NEUROD4: variants seen among roughly 807,000 people sequenced by gnomAD.
NEUROD4 encodes the protein neurogenic differentiation factor 4.
NEUROD4 carries 16 observed loss-of-function variants against 19.8 expected under a neutral mutation model. That is an observed-to-expected ratio of 0.81 (90% CI 0.55 to 1.23). The LOEUF is 1.23. Ranked by LOEUF, NEUROD4 falls within the 50% of genes most tolerant of loss-of-function variation. The probability of loss-of-function intolerance (pLI) is 0.00; values close to 1 mark genes in which losing one functional copy is unlikely to be tolerated. For missense variants in NEUROD4, 439 were observed against 398.6 expected, an observed-to-expected ratio of 1.10 and a Z score of -0.86; for synonymous variants, 153 against 147.9, an observed-to-expected ratio of 1.03 and a Z score of -0.25.
In NEUROD4 at chr12:55,029,155, A is replaced by G. The variant is rs1162806591; in HGVS notation, c.*1720A>G. Reference sequence around the variant, plus strand: ...TGTATCTTGTCTGTTTACCTCTCTTATTTATTATCTCCATACAGTATAAGT... The same window carrying G: ...TGTATCTTGTCTGTTTACCTCTCTTGTTTATTATCTCCATACAGTATAAGT... On this transcript the variant is annotated 3_prime_UTR_variant, in exon 2 of 2. Transcript: ENST00000242994. The G allele has an allele frequency of 6.0e-6, 1 of 165,760 alleles. No homozygotes were observed. Among genetic ancestry groups the G allele is most frequent in the Non-Finnish European group, 1.5e-5 (1 of 67,984 alleles). The allele number at this position is 165,760 out of a possible 1,614,324, so 10.3% of individuals were successfully genotyped here.
At chr12:55,025,706 C>T (rs548206699) in intron 1 of NEUROD4, among the ~76,000 whole-genome samples, 1 of 152,280 alleles carries the variant, frequency 6.6e-6, no homozygotes, top group East Asian at 1.9e-4. Context: ...TTGATGGTCA[C>T]GTGTTGGACC....
At position 55,029,798 on chromosome 12, in the gene NEUROD4, G is replaced by A. The variant is rs928491206; in HGVS notation, c.*2363G>A. ...TGCCTTTGGGGAGTATGGTACCCAT[G>A]AGCCAAGCCTCCCTGAAATTGTACA... On this transcript the variant is annotated 3_prime_UTR_variant, in exon 2 of 2. Transcript: ENST00000242994. The A allele has an allele frequency of 4.2e-5, 7 of 167,140 alleles. No individual in the cohort carries two copies. Among genetic ancestry groups the A allele is most frequent in the African/African-American group, 1.7e-4 (7 of 41,568 alleles). 10.4% of individuals were successfully genotyped at this position (167,140 alleles called of 1,614,324 possible).
chr12:55,021,228 A>G (rs1952671829), intron 1 of NEUROD4, among the ~76,000 whole-genome samples: 1 of 152,198 alleles, frequency 6.6e-6, no homozygotes, highest in South Asian at 2.1e-4. Context: ...TAGAGTAGAA[A>G]AGAAGAGCAT....
intron 1 of NEUROD4, among the ~76,000 whole-genome samples, chr12:55,025,054 T>C (rs1020619799): frequency 4.6e-5 from 7 of 152,364 alleles, no homozygotes; most frequent in African/African-American, 1.7e-4. Flanking sequence ...AAGGTGATAG[T>C]GGGTTTAATA....
chr12:55,020,585 G>A (rs552582937), intron 1 of NEUROD4, among the ~76,000 whole-genome samples: 40 of 152,238 alleles, frequency 2.6e-4, no homozygotes, highest in Non-Finnish European at 4.4e-4. Flanking sequence ...GAATACAGAT[G>A]ATCTCCCCCA....
At chr12:55,023,203 C>G (rs1019429633) in intron 1 of NEUROD4, among the ~76,000 whole-genome samples, 9 of 152,062 alleles carry the variant, frequency 5.9e-5, no homozygotes, top group Non-Finnish European at 8.8e-5. Flanking sequence ...TCTGTGCTAT[C>G]TATCCCACCA....
At position 55,028,187 on chromosome 12, in the gene NEUROD4, A is replaced by G. The variant is rs1335640512; in HGVS notation, c.*752A>G. 1.8e-5 allele frequency: 3 copies of G among 165,614 alleles called. No individual in the cohort carries two copies. The highest frequency in any genetic ancestry group is 2.9e-5 in the Non-Finnish European group (2 of 68,120). 10.3% of individuals were successfully genotyped at this position (165,614 alleles called of 1,614,324 possible). A position where few individuals can be genotyped will look rare whatever the true frequency, so the allele number is the denominator to read the frequency against. On this transcript the variant is annotated 3_prime_UTR_variant, in exon 2 of 2. Coordinates refer to ENST00000242994, the MANE Select transcript of NEUROD4 (RefSeq NM_021191.3). ...ATGATTTGAAGAACCATAATAGAGAACCATAATAGAGGCCTCATGCCAACT... is the reference window on the plus strand; with the variant it reads ...ATGATTTGAAGAACCATAATAGAGAGCCATAATAGAGGCCTCATGCCAACT...
At position 55,020,079 on chromosome 12, in the gene NEUROD4, A is replaced by G. The variant is rs867125415; in HGVS notation, c.-244A>G. 3.3e-5 allele frequency: 5 copies of G among 152,306 alleles called. No individual in the cohort carries two copies. The highest frequency in any genetic ancestry group is 3.1e-3 in the Middle Eastern group (1 of 320). The allele number at this position is 152,306 out of a possible 1,614,324, so 9.4% of individuals were successfully genotyped here. ...AGCGACTAAACTGGCTGCAGCGGAG[A>G]GATCAGCCCGAAGGCGTCCTTGAGG... On this transcript the variant is annotated 5_prime_UTR_variant, in exon 1 of 2. Transcript: ENST00000242994.
chr12:55,023,718 C>G (rs1952692670), intron 1 of NEUROD4, among the ~76,000 whole-genome samples: 1 of 152,178 alleles, frequency 6.6e-6, no homozygotes, highest in African/African-American at 2.4e-5. Flanking sequence ...TGTGTCCTTC[C>G]CATGATTAGT....
Position 55,028,370 on chromosome 12 carries a change from AG to A in NEUROD4, c.*937del, listed in dbSNP as rs1952757292. ...GGCTCTGGAACTTCTGATGAAGCTC[AG>A]GTGCTGCTGTTAGAATCAGCACACA... On this transcript the variant is annotated 3_prime_UTR_variant, in exon 2 of 2. Transcript: ENST00000242994. The A allele has an allele frequency of 6.0e-6, 1 of 167,110 alleles. No homozygotes were observed. Among genetic ancestry groups the A allele is most frequent in the South Asian group, 2.1e-4 (1 of 4,836 alleles). The allele number at this position is 167,110 out of a possible 1,614,324, so 10.4% of individuals were successfully genotyped here.
chr12:55,026,408 C>A, intron 1 of NEUROD4, 23 bp from the exon 2 acceptor site: 1 of 1,561,970 alleles, frequency 6.4e-7, no homozygotes, highest in Non-Finnish European at 8.6e-7. Context: ...CAGGAATTAA[C>A]CTTTGATATT....
At chr12:55,023,243 G>A (rs556030714) in intron 1 of NEUROD4, among the ~76,000 whole-genome samples, 2 of 152,176 alleles carry the variant, frequency 1.3e-5, no homozygotes, top group South Asian at 2.1e-4. Flanking sequence ...CTGAGTAACT[G>A]TCAGATGATT....
Position 55,026,721 on chromosome 12 carries a change from C to T in NEUROD4, c.282C>T (p.Ala94=), listed in dbSNP as rs138483730. ...GGGCTCGAAGAGTCAAGGCTAATGC[C>T]AGAGAACGGACCCGGATGCATGGCC... ...RFRARRVKAN[A]RERTRMHGLN... The change falls in exon 2 of 2, where the codon GCC becomes GCT. Residue 94 remains alanine (A), a synonymous_variant. Coordinates refer to ENST00000242994, the MANE Select transcript of NEUROD4 (RefSeq NM_021191.3). The T allele has an allele frequency of 4.0e-5, 64 of 1,614,020 alleles. No homozygotes were observed. The highest frequency in any genetic ancestry group is 4.9e-5 in the Non-Finnish European group (58 of 1,180,034).
rs1038317831 is a variant in NEUROD4 at position 55,029,390 on chromosome 12, T to C, written c.*1955T>C. ...GTGCTTTCTGAGTATATACTGCACTTACCTTTGTGAGCGGCTGTAGGAGGG... is the reference window on the plus strand; with the variant it reads ...GTGCTTTCTGAGTATATACTGCACTCACCTTTGTGAGCGGCTGTAGGAGGG... On this transcript the variant is annotated 3_prime_UTR_variant, in exon 2 of 2. Transcript: ENST00000242994. The C allele has an allele frequency of 6.0e-6, 1 of 166,994 alleles. No homozygotes were observed. Among genetic ancestry groups the C allele is most frequent in the Non-Finnish European group, 1.5e-5 (1 of 68,104 alleles). 10.3% of individuals were successfully genotyped at this position (166,994 alleles called of 1,614,324 possible).
chr12:55,029,070 C>A lies in NEUROD4; in HGVS notation c.*1635C>A, dbSNP rs1401706673. On this transcript the variant is annotated 3_prime_UTR_variant, in exon 2 of 2. Transcript: ENST00000242994. ...ATAGGGCCAATTTAAAAAATGATAA[C>A]ACATATTAGTATGTCATTTTCTATA... 9 of 167,006 alleles carry A rather than the reference C, an allele frequency of 5.4e-5. No individual in the cohort carries two copies. Among genetic ancestry groups the A allele is most frequent in the African/African-American group, 2.2e-4 (9 of 41,436 alleles). The allele number at this position is 167,006 out of a possible 1,614,324, so 10.3% of individuals were successfully genotyped here.
Position 55,029,415 on chromosome 12 carries a change from G to C in NEUROD4, c.*1980G>C, listed in dbSNP as rs1952769164. The C allele has an allele frequency of 6.0e-6, 1 of 166,936 alleles. No individual in the cohort carries two copies. Among genetic ancestry groups the C allele is most frequent in the Non-Finnish European group, 1.5e-5 (1 of 68,094 alleles). The allele number at this position is 166,936 out of a possible 1,614,324, so 10.3% of individuals were successfully genotyped here. A position where few individuals can be genotyped will look rare whatever the true frequency, so the allele number is the denominator to read the frequency against. ...TACCTTTGTGAGCGGCTGTAGGAGG[G>C]TCTATCCTCGAAGCTAGCATTTTCT... On this transcript the variant is annotated 3_prime_UTR_variant, in exon 2 of 2. Transcript: ENST00000242994.
At position 55,026,704 on chromosome 12, in the gene NEUROD4, A is replaced by G; in HGVS notation, c.265A>G (p.Arg89Gly). 2 of 1,614,200 alleles carry G rather than the reference A, an allele frequency of 1.2e-6. No homozygotes were observed. The highest frequency in any genetic ancestry group is 1.1e-5 in the South Asian group (1 of 91,082). The stretch of plus-strand genomic sequence containing the variant: ...TCGCCTTGAGAGATTCAGGGCTCGA[A>G]GAGTCAAGGCTAATGCCAGAGAACG... ...KARLERFRAR[R>G]VKANARERTR... The change falls in exon 2 of 2, where the codon AGA becomes GGA. Residue 89 changes from arginine (R) to glycine (G), a missense_variant. By Grantham distance (125) the Arg-to-Gly change is moderately radical. Transcript: ENST00000242994.
At chr12:55,023,073 A>C (rs12305167) in intron 1 of NEUROD4, among the ~76,000 whole-genome samples, 9,388 of 152,126 alleles carry the variant, frequency 0.062, 737 homozygotes, top group African/African-American at 0.18. Flanking sequence ...TAGGACTGTT[A>C]TTATTCTCAT....
In NEUROD4 at chr12:55,026,501, T is replaced by A. The variant is rs766281745; in HGVS notation, c.62T>A (p.Met21Lys). The A allele has an allele frequency of 6.2e-7, 1 of 1,613,740 alleles. No homozygotes were observed. Among genetic ancestry groups the A allele is most frequent in the East Asian group, 2.2e-5 (1 of 44,888 alleles). ...GAGCTAGTCAACACACCATCCTGGA[T>A]GGATAAAGGTCTGGGCTCCCAAAAT... ...MGELVNTPSW[M>K]DKGLGSQNEV... The change falls in exon 2 of 2, where the codon ATG becomes AAG. Residue 21 changes from methionine to lysine, a missense_variant. By Grantham distance (95) the Met-to-Lys change is moderately conservative. Coordinates refer to ENST00000242994, the MANE Select transcript of NEUROD4 (RefSeq NM_021191.3).
Sources: allele counts gnomAD v4.1 joint callset (sites outside exome capture counted in the v4.1 genomes callset), GRCh38; gene constraint gnomAD v4.1.1; transcripts MANE v1.5; gene names NCBI Gene and HGNC (gene_info 2026-07-23, HGNC 2026-07-21).